SND1: variants seen among roughly 807,000 people sequenced by gnomAD.
SND1 encodes staphylococcal nuclease domain-containing protein 1.
In SND1, 38 loss-of-function variants were observed where a neutral mutation model predicts 121.7. That is an observed-to-expected ratio of 0.31 (90% confidence interval 0.24 to 0.41). The LOEUF is 0.41. Ranked by LOEUF, SND1 falls within the 10% of genes least tolerant of loss-of-function variation. The probability of loss-of-function intolerance (pLI) is 1.00; values close to 1 mark genes in which losing one functional copy is unlikely to be tolerated. For synonymous variants in SND1, 401 were observed against 447.4 expected (o/e 0.90, Z 1.31); for missense variants, 868 against 1,184.6 (o/e 0.73, Z 3.92).
intron 12 of SND1, among the ~76,000 whole-genome samples, chr7:127,883,532 G>A (rs534501663): frequency 2.0e-5 from 3 of 152,216 alleles, no homozygotes; most frequent in South Asian, 4.1e-4. Flanking sequence ...CTATTTAAGA[G>A]CAACTGGCCG....
chr7:127,692,565 G>A (rs1439476369), intron 2 of SND1: 1 of 152,234 alleles, frequency 6.6e-6, no homozygotes, highest in Non-Finnish European at 1.5e-5. Context: ...ACTTCCATAA[G>A]GGTTCTGTCC....
intron 1 of SND1, among the ~76,000 whole-genome samples, chr7:127,671,149 G>A (rs1331604515): frequency 6.6e-6 from 1 of 152,192 alleles, no homozygotes; most frequent in Non-Finnish European, 1.5e-5. Flanking sequence ...ACGAGACCTA[G>A]TTCCAGTGAT....
At chr7:128,082,573 G>C (rs766696655) in intron 18 of SND1, among the ~76,000 whole-genome samples, 1 of 152,220 alleles carries the variant, frequency 6.6e-6, no homozygotes, top group Non-Finnish European at 1.5e-5. Context: ...TGGAGCCCAC[G>C]AGCCTGCGGG....
chr7:127,764,056 A>AAAAAAAAAAC (rs1554422863), intron 10 of SND1, among the ~76,000 whole-genome samples: 19 of 135,210 alleles, frequency 1.4e-4, no homozygotes, highest in Admixed American at 2.4e-4. Context: ...AAAAAAACAA[A>AAAAAAAAAAC]AAAACAAAAA....
At chr7:127,705,882 G>A (rs698408) in intron 8 of SND1, among the ~76,000 whole-genome samples, 39,817 of 152,108 alleles carry the variant, frequency 0.26, 6,606 homozygotes, top group East Asian at 0.7. Context: ...GCTAAGAGAT[G>A]TGCAACGACG....
intron 2 of SND1, among the ~76,000 whole-genome samples, chr7:127,687,952 T>G (rs1333574573): frequency 6.6e-6 from 1 of 152,168 alleles, no homozygotes; most frequent in African/African-American, 2.4e-5. Context: ...CCTAAAGTAC[T>G]GGGATTACAG....
At chr7:127,697,907 T>A (rs555493949) in intron 3 of SND1, among the ~76,000 whole-genome samples, 3 of 152,314 alleles carry the variant, frequency 2.0e-5, no homozygotes, top group East Asian at 3.9e-4. Context: ...TTTCAGATTA[T>A]CTTGGAGCTT....
chr7:128,038,523 C>T lies in SND1; in HGVS notation c.1780-35979C>T, dbSNP rs139447730. ...TCGTAGCATCTATTATTTTCTAATA[C>T]GGAAACCGGTATAGAAGAGGCTGTC... is the stretch of plus-strand genomic sequence containing the variant. On this transcript the variant is annotated intron_variant, in intron 16 of 23. Coordinates refer to ENST00000354725, the MANE Select transcript of SND1 (RefSeq NM_014390.4). 4.4e-3 allele frequency among the ~76,000 whole-genome samples: 673 copies of T among 152,308 alleles called. 24 individuals carry two copies. Among genetic ancestry groups the T allele is most frequent in the Admixed American group, 0.039 (590 of 15,302 alleles).
chr7:127,916,572 C>G (rs1048200502), intron 14 of SND1, among the ~76,000 whole-genome samples: 3 of 152,122 alleles, frequency 2.0e-5, no homozygotes, highest in African/African-American at 7.2e-5. Context: ...AGACCAAGCC[C>G]TTTATTTCAA....
intron 11 of SND1, among the ~76,000 whole-genome samples, chr7:127,809,792 G>A (rs889584822): frequency 3.3e-5 from 5 of 152,182 alleles, no homozygotes; most frequent in African/African-American, 1.2e-4. Context: ...AAATAAGACT[G>A]AAGGTAAACT....
chr7:127,888,634 G>A (rs756695515), intron 13 of SND1, among the ~76,000 whole-genome samples: 38 of 152,118 alleles, frequency 2.5e-4, no homozygotes, highest in Non-Finnish European at 4.9e-4. Flanking sequence ...TACTCAGGGA[G>A]TCTTTTGTCA....
intron 21 of SND1, among the ~76,000 whole-genome samples, chr7:128,089,165 G>A (rs1342905997): frequency 3.9e-5 from 6 of 151,954 alleles, no homozygotes; most frequent in Non-Finnish European, 5.9e-5. Context: ...AGCGATTCTC[G>A]TGCCGCAGTT....
At chr7:127,834,998 T>C (rs1285655060) in intron 11 of SND1, among the ~76,000 whole-genome samples, 2 of 152,322 alleles carry the variant, frequency 1.3e-5, no homozygotes, top group East Asian at 3.9e-4. Flanking sequence ...CCCAGGGAAA[T>C]AGGAGTTTAT....
chr7:127,861,380 C>T (rs1421812063), intron 12 of SND1, among the ~76,000 whole-genome samples: 1 of 152,166 alleles, frequency 6.6e-6, no homozygotes, highest in Non-Finnish European at 1.5e-5. Context: ...CCTCATCTTG[C>T]ACTGTTGAGG....
chr7:127,990,923 G>A, intron 15 of SND1, 24 bp from the exon 16 acceptor site: 3 of 1,581,422 alleles, frequency 1.9e-6, no homozygotes, highest in Non-Finnish European at 2.6e-6. Flanking sequence ...TTTCATCACA[G>A]ATTCTACTTT....
rs1801666507 is a variant in SND1, at chr7:127,959,020, G to T, written c.1669+29691G>T. 2.0e-5 allele frequency among the ~76,000 whole-genome samples: 3 copies of T among 152,280 alleles called. No individual in the cohort carries two copies. The South Asian group carries it at 6.2e-4, about 32-fold the overall frequency. On this transcript the variant is annotated intron_variant, in intron 15 of 23. Coordinates refer to ENST00000354725, the MANE Select transcript of SND1 (RefSeq NM_014390.4). ...ATTAATAAAAATGAACACACCATTG[G>T]AAGCTACATTTGTGTGGGGTTTTTT...
At chr7:128,003,159 G>C (rs1802878097) in intron 16 of SND1, among the ~76,000 whole-genome samples, 1 of 151,980 alleles carries the variant, frequency 6.6e-6, no homozygotes, top group Non-Finnish European at 1.5e-5. Context: ...GCAGTGAGCC[G>C]AAATCGTGCC....
chr7:127,673,032 T>G (rs1470734011), intron 1 of SND1, among the ~76,000 whole-genome samples: 1 of 151,728 alleles, frequency 6.6e-6, no homozygotes, highest in Non-Finnish European at 1.5e-5. Flanking sequence ...TATAAGTATC[T>G]TATATAATAA....
At chr7:127,981,891 G>A (rs1802270834) in intron 15 of SND1, among the ~76,000 whole-genome samples, 2 of 152,146 alleles carry the variant, frequency 1.3e-5, no homozygotes, top group Non-Finnish European at 2.9e-5. Flanking sequence ...ATACTCCACA[G>A]GTTAACTCAT....
Sources: gnomAD v4.1 joint callset for allele counts (sites outside exome capture counted in the v4.1 genomes callset) on GRCh38, gnomAD v4.1.1 for gene constraint, MANE v1.5 for transcripts, NCBI Gene and HGNC (gene_info 2026-07-23, HGNC 2026-07-21) for gene names.